SLC16A14: variants seen among roughly 807,000 people sequenced by gnomAD.
The protein encoded by SLC16A14 is monocarboxylate transporter 14.
In SLC16A14, 14 loss-of-function variants were observed where a neutral mutation model predicts 35.8. The ratio of observed to expected loss-of-function variants is 0.39; its 90% CI spans 0.26 to 0.61. The LOEUF is 0.61. SLC16A14 is among the 20% of genes least tolerant of loss of function. SLC16A14 has a pLI of 0.51. For synonymous variants in SLC16A14, 248 were observed against 258.9 expected (o/e 0.96, Z 0.40); for missense variants, 533 against 655.0 (o/e 0.81, Z 2.03).
intron 2 of SLC16A14, 43 bp from the exon 3 acceptor site, chr2:230,049,947 C>T (rs749540623): frequency 3.8e-6 from 6 of 1,589,180 alleles, no homozygotes; most frequent in South Asian, 1.1e-5. Flanking sequence ...AAGGTGCTTC[C>T]GTTTTATTCT....
chr2:230,062,181 T>G (rs148509788), intron 1 of SLC16A14, among the ~76,000 whole-genome samples: 1 of 152,102 alleles, frequency 6.6e-6, no homozygotes, highest in East Asian at 1.9e-4. Context: ...AAAAAAACTA[T>G]CCATTCTGGG....
At chr2:230,064,822 C>T (rs1281836601) in intron 1 of SLC16A14, among the ~76,000 whole-genome samples, 1 of 151,954 alleles carries the variant, frequency 6.6e-6, no homozygotes, top group Non-Finnish European at 1.5e-5. Context: ...ACCAGCCTGA[C>T]CAACATGGAG....
Position 230,046,337 on chromosome 2 carries a change from T to C in SLC16A14, c.789A>G (p.Gln263=). The C allele has an allele frequency of 2.5e-6, 4 of 1,614,190 alleles. No homozygotes were observed. Among genetic ancestry groups the C allele is most frequent in the Non-Finnish European group, 3.4e-6 (4 of 1,180,024 alleles). The change falls in exon 4 of 5, where the codon CAA becomes CAG. Residue 263 remains glutamine, a synonymous_variant. Transcript: ENST00000295190. The surrounding 1 kb of genome is among the most constrained non-coding windows in gnomAD (Gnocchi z 5.0). ...LGNEETLCDL[Q]AQECPDQAGH... ...CGGCCTGATCGGGGCACTCCTGGGCTTGCAGGTCGCAGAGGGTCTCCTCGT... is the reference window on the plus strand; with the variant it reads ...CGGCCTGATCGGGGCACTCCTGGGCCTGCAGGTCGCAGAGGGTCTCCTCGT...
chr2:230,043,791 A>G (rs1297159963), intron 4 of SLC16A14, among the ~76,000 whole-genome samples: 1 of 152,232 alleles, frequency 6.6e-6, no homozygotes, highest in East Asian at 1.9e-4. Flanking sequence ...ATCTTCACAC[A>G]GTACCTGGTG....
chr2:230,063,290 C>CAAAAAA (rs6147218), intron 1 of SLC16A14, among the ~76,000 whole-genome samples: 1 of 100,678 alleles, frequency 9.9e-6, no homozygotes, highest in African/African-American at 4.0e-5. Context: ...AACTCTGTCT[C>CAAAAAA]AAAAAAAAAA....
chr2:230,060,944 G>C (rs1416882795), intron 1 of SLC16A14, among the ~76,000 whole-genome samples: 1 of 152,138 alleles, frequency 6.6e-6, no homozygotes, highest in Non-Finnish European at 1.5e-5. Context: ...TAGGTTATCG[G>C]CTGAGAATGA....
At chr2:230,049,449 A>G (rs938696628) in intron 3 of SLC16A14, among the ~76,000 whole-genome samples, 1 of 152,158 alleles carries the variant, frequency 6.6e-6, no homozygotes, top group Admixed American at 6.6e-5. Flanking sequence ...CACCTAAGTC[A>G]ACGTTACTGC....
rs1004206873 is a variant in SLC16A14 at position 230,037,588 on chromosome 2, G to A, written c.1382-57C>T. On this transcript the variant is annotated intron_variant, in intron 4 of 4. Transcript: ENST00000295190. ...ATGGAGTTGATACAATGAAAGTGAA[G>A]AACATGAAGCAGGCATTTATTGCTG... 5.0e-6 allele frequency: 7 copies of A among 1,407,610 alleles called. No individual in the cohort carries two copies. The African/African-American group carries it at 8.7e-5, about 18-fold the overall frequency. The allele number at this position is 1,407,610 out of a possible 1,614,324, so 87.2% of individuals were successfully genotyped here.
intron 1 of SLC16A14, among the ~76,000 whole-genome samples, chr2:230,060,531 G>C (rs2077743562): frequency 6.6e-6 from 1 of 151,876 alleles, no homozygotes; most frequent in Admixed American, 6.6e-5. Flanking sequence ...ATATATGTAT[G>C]TATGTATGTA....
intron 1 of SLC16A14, among the ~76,000 whole-genome samples, chr2:230,065,956 C>T (rs1326154621): frequency 1.3e-5 from 2 of 152,046 alleles, no homozygotes; most frequent in Non-Finnish European, 2.9e-5. Flanking sequence ...TGTAAAATGA[C>T]GATATGCATG....
chr2:230,047,373 G>A (rs181000943), intron 3 of SLC16A14, among the ~76,000 whole-genome samples: 44 of 145,434 alleles, frequency 3.0e-4, no homozygotes, highest in Non-Finnish European at 5.1e-4. Flanking sequence ...ATGCAATGGT[G>A]CGATCACAGC....
In SLC16A14 at chr2:230,046,763, A is replaced by G; in HGVS notation, c.404-41T>C. ...GGGGGAAGAAAAGACACAGTGCAACATCAGTGGCCATATCCAGAATTCGCA... is the reference window on the plus strand; with the variant it reads ...GGGGGAAGAAAAGACACAGTGCAACGTCAGTGGCCATATCCAGAATTCGCA... On this transcript the variant is annotated intron_variant, in intron 3 of 4. Coordinates refer to ENST00000295190, the MANE Select transcript of SLC16A14 (RefSeq NM_152527.5). This position sits in a 1 kb window ranked among gnomAD's most constrained non-coding sequence, Gnocchi z 5.0. 3.3e-6 allele frequency: 5 copies of G among 1,538,086 alleles called. No individual in the cohort carries two copies. The highest frequency in any genetic ancestry group is 1.2e-5 in the South Asian group (1 of 82,212).
rs777708563 is a variant in SLC16A14 at position 230,045,926 on chromosome 2, C to T, written c.1200G>A (p.Pro400=). 33 of 1,612,274 alleles carry T rather than the reference C, an allele frequency of 2.0e-5. 1 individual carries two copies. Among genetic ancestry groups the T allele is most frequent in the South Asian group, 3.3e-5 (3 of 91,024 alleles). ...CCAGGCCAGCGTACGTGTGCATCAA[C>T]GGCAGAATAAAAATACTGAGGACAA... is the stretch of plus-strand genomic sequence containing the variant. The part of the protein sequence containing the change: ...FTLVLSIFIL[P]LMHTYAGLAV... Residue 400 remains proline, a synonymous_variant, in exon 4 of 5, where the codon CCG becomes CCA. Coordinates refer to ENST00000295190, the MANE Select transcript of SLC16A14 (RefSeq NM_152527.5).
rs376583577 is a variant in SLC16A14 at position 230,059,147 on chromosome 2, C to T, written c.206G>A (p.Arg69His). The T allele has an allele frequency of 6.5e-5, 105 of 1,614,154 alleles. No individual in the cohort carries two copies. The highest frequency in any genetic ancestry group is 6.8e-5 in the Non-Finnish European group (80 of 1,180,022). ...GGAGCTGACCCAGGCGGTCAGGCCG[C>T]GGCTCTGGTGGAATTCTTCCAGCCA... is the stretch of plus-strand genomic sequence containing the variant. Reference protein sequence around the residue: ...VEWLEEFHQSRGLTAWVSSLS... With the variant: ...VEWLEEFHQSHGLTAWVSSLS... Residue 69 changes from arginine to histidine, a missense_variant, in exon 2 of 5, where the codon CGC (arginine) becomes CAC (histidine). Physicochemically the swap from Arg to His is conservative, Grantham distance 29 (BLOSUM62 0). Coordinates refer to ENST00000295190, the MANE Select transcript of SLC16A14 (RefSeq NM_152527.5).
At chr2:230,041,345 T>C (rs1270716078) in intron 4 of SLC16A14, among the ~76,000 whole-genome samples, 1 of 152,132 alleles carries the variant, frequency 6.6e-6, no homozygotes, top group East Asian at 1.9e-4. Context: ...TTTTATTTTA[T>C]TTTATTTTAT....
intron 2 of SLC16A14, among the ~76,000 whole-genome samples, chr2:230,051,921 T>TA (rs2077662722): frequency 6.6e-6 from 1 of 151,814 alleles, no homozygotes; most frequent in African/African-American, 2.4e-5. Context: ...AGAATAGACT[T>TA]AATATATTAA....
intron 3 of SLC16A14, among the ~76,000 whole-genome samples, chr2:230,048,181 A>C (rs897408284): frequency 1.3e-5 from 2 of 152,244 alleles, no homozygotes; most frequent in Non-Finnish European, 2.9e-5. Context: ...TAATCATTTC[A>C]ACAACCATGT....
chr2:230,049,275 T>A (rs1418609187), intron 3 of SLC16A14, among the ~76,000 whole-genome samples: 5 of 150,382 alleles, frequency 3.3e-5, no homozygotes, highest in African/African-American at 1.2e-4. Context: ...AGACGGGGTT[T>A]CACCATGTTG....
chr2:230,047,494 G>C (rs191003597), intron 3 of SLC16A14, among the ~76,000 whole-genome samples: 1 of 151,860 alleles, frequency 6.6e-6, no homozygotes, highest in African/African-American at 2.4e-5. Flanking sequence ...TTGTAGACAC[G>C]TGGTTTCACC....
Sources: allele counts gnomAD v4.1 joint callset (sites outside exome capture counted in the v4.1 genomes callset), GRCh38; gene constraint gnomAD v4.1.1; non-coding constraint Gnocchi (gnomAD v3.1); transcripts MANE v1.5; gene names NCBI Gene and HGNC (gene_info 2026-07-23, HGNC 2026-07-21).